Variants in SLFN11 observed in about 807,000 individuals in gnomAD.
The protein encoded by SLFN11 is schlafen family member 11.
A neutral mutation model predicts 53.4 loss-of-function variants in SLFN11; 43 were observed. That is an observed-to-expected ratio of 0.80 (90% CI 0.63 to 1.04). The LOEUF (loss-of-function observed/expected upper bound fraction) is 1.04. SLFN11 is among the 50% of genes least tolerant of loss of function. SLFN11 has a pLI of 0.00. For synonymous variants in SLFN11, 389 were observed against 394.7 expected, an observed-to-expected ratio of 0.99 and a Z score of 0.17; for missense variants, 990 against 1,079.1, an observed-to-expected ratio of 0.92 and a Z score of 1.16.
chr17:35,353,237 A>T, intron 6 of SLFN11, 98 bp from the exon 7 acceptor site: 2 of 1,599,230 alleles, frequency 1.3e-6, no homozygotes, highest in East Asian at 4.5e-5. Context: ...ATTACCACAG[A>T]TCATTTTACC....
Position 35,351,620 on chromosome 17 carries a change from C to T in SLFN11, c.*736G>A, listed in dbSNP as rs2141915662. ...AGAACCAGATTTTGGTCTCTAATAT[C>T]ATCTTCCACTGAAAGCCAGGGCAAA... is the stretch of plus-strand genomic sequence containing the variant. On this transcript the variant is annotated 3_prime_UTR_variant, in exon 7 of 7. Transcript: ENST00000685675. The T allele has an allele frequency of 6.6e-6, 1 of 152,326 alleles. No homozygotes were observed. The highest frequency in any genetic ancestry group is 1.9e-4 in the East Asian group (1 of 5,190). The allele number at this position is 152,326 out of a possible 1,614,324, so 9.4% of individuals were successfully genotyped here. A position where few individuals can be genotyped will look rare whatever the true frequency, so the allele number is the denominator to read the frequency against.
chr17:35,355,598 C>T (rs1233110245), intron 5 of SLFN11, among the ~76,000 whole-genome samples: 6 of 152,184 alleles, frequency 3.9e-5, no homozygotes, highest in African/African-American at 1.4e-4. Context: ...CTTATCATTG[C>T]ATAGGTCTTC....
intron 1 of SLFN11, among the ~76,000 whole-genome samples, chr17:35,370,132 C>A (rs1334890998): frequency 6.6e-6 from 1 of 152,110 alleles, no homozygotes; most frequent in African/African-American, 2.4e-5. Flanking sequence ...GATCATTTAT[C>A]ATGACTAAGT....
At chr17:35,366,221 T>C (rs1908938796) in intron 3 of SLFN11, among the ~76,000 whole-genome samples, 1 of 152,046 alleles carries the variant, frequency 6.6e-6, no homozygotes, top group African/African-American at 2.4e-5. Context: ...GGGATCGCAT[T>C]GATAGGAACG....
rs141712070 is a variant in SLFN11, at chr17:35,352,602, C to T, written c.2460G>A (p.Glu820=). The stretch of plus-strand genomic sequence containing the variant: ...CTTTCAAGAGCTCATACTTATAGTG[C>T]TCCACTTCTTTTGCGGTGCTGACAA... The part of the protein sequence containing the change: ...AVLVSTAKEV[E]HYKYELLKAM... Residue 820 remains glutamate (E), a synonymous_variant, in exon 7 of 7, where the codon GAG becomes GAA. Coordinates refer to ENST00000685675, the MANE Select transcript of SLFN11 (RefSeq NM_001376007.1). 1,249 of 1,614,234 alleles carry T rather than the reference C, an allele frequency of 7.7e-4. 9 individuals are homozygous for T. In the Middle Eastern group the frequency reaches 0.033, roughly 43 times the overall value.
In SLFN11 at chr17:35,353,850, G is replaced by A. The variant is rs777399612; in HGVS notation, c.1408C>T (p.Pro470Ser). ...TCCCTGAGAATGGTGTAGAGAATGGGGGTGCTGTTCTGTGCTATCAGCAGA... is the reference window on the plus strand; with the variant it reads ...TCCCTGAGAATGGTGTAGAGAATGGAGGTGCTGTTCTGTGCTATCAGCAGA... The part of the protein sequence containing the change: ...DALLIAQNST[P>S]ILYTILREQD... Residue 470 changes from proline to serine, a missense_variant, in exon 6 of 7, where the codon CCC becomes TCC. By Grantham distance (74) the Pro-to-Ser change is moderately conservative. This residue lies in a region of SLFN11 where 156 missense variants were observed against 241.9 expected (regional missense o/e 0.64). Transcript: ENST00000685675. 15 of 1,602,842 alleles carry A rather than the reference G, an allele frequency of 9.4e-6. No individual in the cohort carries two copies. The South Asian group carries it at 1.7e-4, about 18-fold the overall frequency.
intron 4 of SLFN11, 78 bp downstream of exon 4, chr17:35,362,661 G>GGCAGCAT (rs1463704957): frequency 1.7e-6 from 2 of 1,169,726 alleles, no homozygotes; most frequent in Non-Finnish European, 1.2e-6. Flanking sequence ...CAAAGTCATA[G>GGCAGCAT]GCAGCAAAGG....
chr17:35,369,300 A>C (rs1567828601), intron 1 of SLFN11, among the ~76,000 whole-genome samples: 1 of 152,082 alleles, frequency 6.6e-6, no homozygotes, highest in Non-Finnish European at 1.5e-5. Flanking sequence ...TTGGGCTTTA[A>C]GTGAATATCA....
At chr17:35,364,281 A>C (rs1908658454) in intron 3 of SLFN11, among the ~76,000 whole-genome samples, 1 of 152,098 alleles carries the variant, frequency 6.6e-6, no homozygotes. Flanking sequence ...AACAACATTG[A>C]AAAGGAGACT....
chr17:35,363,491 A>C lies in SLFN11; in HGVS notation c.317T>G (p.Phe106Cys). Residue 106 changes from phenylalanine (F) to cysteine (C), a missense_variant, in exon 4 of 7, where the codon TTT (phenylalanine) becomes TGT (cysteine). Physicochemically the swap from Phe to Cys is radical, Grantham distance 205. Coordinates refer to ENST00000685675, the MANE Select transcript of SLFN11 (RefSeq NM_001376007.1). ...AGGGCCACTGCTCCAAGATTTAACA[A>C]AAATGTAAAAACACCTTCCTTGTTG... is the stretch of plus-strand genomic sequence containing the variant. ...TKQQGRCFYI[F>C]VKSWSSGPFP... 1 of 1,614,026 alleles carries C rather than the reference A, an allele frequency of 6.2e-7. No homozygotes were observed. Among genetic ancestry groups the C allele is most frequent in the Non-Finnish European group, 8.5e-7 (1 of 1,179,988 alleles).
In SLFN11 at chr17:35,363,330, T is replaced by C; in HGVS notation, c.478A>G (p.Ile160Val). The change falls in exon 4 of 7, where the codon ATC becomes GTC. Residue 160 changes from isoleucine to valine, a missense_variant. Around this residue, in one of 3 missense-constraint regions of SLFN11, gnomAD observed 521 missense variants for 516.2 expected, o/e 1.01. Transcript: ENST00000685675. ...TTGTGAAAAGGTCCTTCTTCCAAGA[T>C]TTTTGGCTTCCTTTTGGTCTTCAGG... Reference protein sequence around the residue: ...CFLKTKRKPKILEEGPFHKIH... With the variant: ...CFLKTKRKPKVLEEGPFHKIH... The C allele has an allele frequency of 6.2e-7, 1 of 1,613,996 alleles. No individual in the cohort carries two copies. The highest frequency in any genetic ancestry group is 8.5e-7 in the Non-Finnish European group (1 of 1,179,974).
intron 1 of SLFN11, among the ~76,000 whole-genome samples, chr17:35,372,616 A>G (rs1913544): frequency 1 from 151,906 of 152,082 alleles, 75,867 homozygotes; most frequent in Middle Eastern, 1. Context: ...AATAAAATAA[A>G]ATAAAAACTA....
In SLFN11 at chr17:35,363,671, ACT is replaced by A. The variant is rs1351196193; in HGVS notation, c.135_136del (p.Arg45SerfsTer23). On this transcript the variant is annotated frameshift_variant, in exon 4 of 7. Coordinates refer to ENST00000685675, the MANE Select transcript of SLFN11 (RefSeq NM_001376007.1). LOFTEE classifies it high-confidence loss of function. ...TAATAAAGCACATGCAGCCCGCATAACTCTCTCCTTCTCTTGGTCTCTCTGAA... is the reference window on the plus strand; with the variant it reads ...TAATAAAGCACATGCAGCCCGCATAACTCTCCTTCTCTTGGTCTCTCTGAA... 1 of 1,613,268 alleles carries A rather than the reference ACT, an allele frequency of 6.2e-7. No individual in the cohort carries two copies. The highest frequency in any genetic ancestry group is 8.5e-7 in the Non-Finnish European group (1 of 1,179,776).
chr17:35,354,341 T>C (rs1907200132), intron 5 of SLFN11, among the ~76,000 whole-genome samples: 1 of 152,150 alleles, frequency 6.6e-6, no homozygotes, highest in South Asian at 2.1e-4. Flanking sequence ...GAATAGCACA[T>C]TTCCTATGAG....
chr17:35,360,159 T>A, intron 5 of SLFN11, 84 bp downstream of exon 5: 1 of 1,433,194 alleles, frequency 7.0e-7, no homozygotes, highest in Non-Finnish European at 9.6e-7. Flanking sequence ...ACTTTCAGGA[T>A]TTTACAAAAC....
At position 35,360,356 on chromosome 17, in the gene SLFN11, G is replaced by A. The variant is rs1370701165; in HGVS notation, c.1085C>T (p.Ser362Phe). 6.2e-7 allele frequency: 1 copy of A among 1,605,838 alleles called. No homozygotes were observed. The highest frequency in any genetic ancestry group is 1.4e-5 in the African/African-American group (1 of 73,888). The part of the protein sequence containing the change: ...TDTDPDLLQL[S>F]EDFECQLSLS... The stretch of plus-strand genomic sequence containing the variant: ...ACTCAGCTGACATTCAAAATCTTCA[G>A]ACAACTGTAGAAGATCTTAAGAAAG... Residue 362 changes from serine to phenylalanine, a missense_variant, in exon 5 of 7, where the codon TCT becomes TTT. Physicochemically the swap from Ser to Phe is radical, Grantham distance 155. Coordinates refer to ENST00000685675, the MANE Select transcript of SLFN11 (RefSeq NM_001376007.1).
intron 5 of SLFN11, 100 bp from the exon 6 acceptor site, chr17:35,354,159 A>G (rs1907169911): frequency 9.7e-7 from 1 of 1,035,712 alleles, no homozygotes; most frequent in African/African-American, 1.6e-5. Flanking sequence ...ATGATTACTT[A>G]TAGAAGTTTC....
Position 35,352,755 on chromosome 17 carries a change from C to A in SLFN11, c.2307G>T (p.Trp769Cys). The A allele has an allele frequency of 6.2e-7, 1 of 1,614,186 alleles. No homozygotes were observed. The highest frequency in any genetic ancestry group is 1.7e-5 in the Admixed American group (1 of 60,016). The change falls in exon 7 of 7, where the codon TGG (tryptophan) becomes TGT (cysteine). Residue 769 changes from tryptophan (W) to cysteine (C), a missense_variant. Around this residue, in one of 3 missense-constraint regions of SLFN11, gnomAD observed 313 missense variants for 320.9 expected, o/e 0.98. Transcript: ENST00000685675. ...GTAAGGTTCCCTGAACACCCTGGGACCATTCGGCTTCAGGAAATACCTCGA... is the reference window on the plus strand; with the variant it reads ...GTAAGGTTCCCTGAACACCCTGGGAACATTCGGCTTCAGGAAATACCTCGA... ...GCLEVFPEAE[W>C]SQGVQGTLRI...
At chr17:35,354,116 T>G in intron 5 of SLFN11, 57 bp from the exon 6 acceptor site, 1 of 1,436,178 alleles carries the variant, frequency 7.0e-7, no homozygotes, top group Non-Finnish European at 9.2e-7. Flanking sequence ...TTGATTAAGA[T>G]GACTAATTAT....
Sources: allele counts gnomAD v4.1 joint callset (sites outside exome capture counted in the v4.1 genomes callset), GRCh38; gene constraint gnomAD v4.1.1; regional missense constraint gnomAD v4.1.1; transcripts MANE v1.5; gene names NCBI Gene and HGNC (gene_info 2026-07-23, HGNC 2026-07-21).